The following KIAA0825 variants were observed in gnomAD, a reference collection of about 807,000 sequenced individuals.
KIAA0825 encodes uncharacterized protein KIAA0825.
KIAA0825 carries 119 observed loss-of-function variants against 147.6 expected under a neutral mutation model. The ratio of observed to expected loss-of-function variants is 0.81; its 90% confidence interval spans 0.69 to 0.94. The LOEUF is 0.94. KIAA0825 is among the 40% of genes least tolerant of loss of function. The pLI is 0.00. For synonymous variants in KIAA0825, 470 were observed against 518.1 expected, an observed-to-expected ratio of 0.91 and a Z score of 1.26; for missense variants, 1,381 against 1,472.7, an observed-to-expected ratio of 0.94 and a Z score of 1.02.
intron 20 of KIAA0825, among the ~76,000 whole-genome samples, chr5:94,188,366 T>C (rs1770352732): frequency 6.6e-6 from 1 of 152,236 alleles, no homozygotes; most frequent in Non-Finnish European, 1.5e-5. Flanking sequence ...TATTTAATTG[T>C]GAGAAAGTTC....
In KIAA0825 at chr5:94,391,013, G is replaced by C. The variant is rs147212764; in HGVS notation, c.3456+522C>G. On this transcript the variant is annotated intron_variant, in intron 18 of 20. Transcript: ENST00000682413. ...AAACATGCAAGGTCAGAGGCAATGGGATAGAAAGGCATAACATTGGTTCAA... is the reference window on the plus strand; with the variant it reads ...AAACATGCAAGGTCAGAGGCAATGGCATAGAAAGGCATAACATTGGTTCAA... Among the ~76,000 whole-genome samples the C allele has an allele frequency of 1.7e-4, 26 of 152,308 alleles. No individual in the cohort carries two copies. The East Asian group carries it at 3.7e-3, about 21-fold the overall frequency.
chr5:94,280,833 A>G lies in KIAA0825; in HGVS notation c.3710+103535T>C, dbSNP rs78410815. Among the ~76,000 whole-genome samples the G allele has an allele frequency of 5.3e-3, 810 of 152,190 alleles. 6 individuals are homozygous for G. The highest frequency in any genetic ancestry group is 0.017 in the Middle Eastern group (5 of 294). ...ACCACCAGCTGCTCCACAGGTTTGG[A>G]GTTTGGAAAAAGAAGCCCATTTCAA... On this transcript the variant is annotated intron_variant, in intron 20 of 20. Coordinates refer to ENST00000682413, the MANE Select transcript of KIAA0825 (RefSeq NM_001145678.3).
intron 3 of KIAA0825, among the ~76,000 whole-genome samples, chr5:94,525,673 T>C (rs779771460): frequency 9.3e-4 from 142 of 152,126 alleles, no homozygotes; most frequent in Non-Finnish European, 3.8e-4. Flanking sequence ...CATCCTCATG[T>C]GTCTCATTCA....
At chr5:94,413,220 G>A (rs548726205) in intron 15 of KIAA0825, 69 of 152,326 alleles carry the variant, frequency 4.5e-4, no homozygotes, top group African/African-American at 1.6e-3. Context: ...AAAGTGCTGG[G>A]ATTACAGGCG....
At chr5:94,457,328 A>G (rs1389037012) in intron 12 of KIAA0825, among the ~76,000 whole-genome samples, 3 of 152,212 alleles carry the variant, frequency 2.0e-5, no homozygotes, top group African/African-American at 7.2e-5. Context: ...GAGCCATAGG[A>G]TTATATTTTC....
At chr5:94,517,004 G>A (rs1767373253) in intron 5 of KIAA0825, among the ~76,000 whole-genome samples, 1 of 152,132 alleles carries the variant, frequency 6.6e-6, no homozygotes, top group Non-Finnish European at 1.5e-5. Flanking sequence ...GGAGGCCTGA[G>A]GCAGGAGAAT....
intron 5 of KIAA0825, among the ~76,000 whole-genome samples, chr5:94,489,294 A>T (rs1298284237): frequency 6.6e-6 from 1 of 152,192 alleles, no homozygotes; most frequent in Non-Finnish European, 1.5e-5. Flanking sequence ...AGTATGGTTC[A>T]GGATCTTCTG....
intron 2 of KIAA0825, among the ~76,000 whole-genome samples, chr5:94,552,500 T>C (rs1179020560): frequency 6.6e-6 from 1 of 152,166 alleles, no homozygotes; most frequent in Non-Finnish European, 1.5e-5. Flanking sequence ...GGACTGACCA[T>C]ATGTTAGGAC....
chr5:94,547,398 A>C (rs374234653), intron 2 of KIAA0825, among the ~76,000 whole-genome samples: 5 of 152,110 alleles, frequency 3.3e-5, no homozygotes, highest in East Asian at 3.9e-4. Flanking sequence ...AAAGAAGACT[A>C]CCTCAAGGCA....
chr5:94,449,636 A>G (rs1052856515), intron 13 of KIAA0825, among the ~76,000 whole-genome samples: 2 of 152,228 alleles, frequency 1.3e-5, no homozygotes, highest in African/African-American at 4.8e-5. Context: ...TCAAGAAATA[A>G]CAACAGCTGG....
At chr5:94,170,634 A>G (rs1768530104) in intron 20 of KIAA0825, among the ~76,000 whole-genome samples, 1 of 152,188 alleles carries the variant, frequency 6.6e-6, no homozygotes, top group Non-Finnish European at 1.5e-5. Flanking sequence ...TATAGACTGT[A>G]ACTATTCCCA....
intron 1 of KIAA0825, among the ~76,000 whole-genome samples, chr5:94,612,477 T>C (rs1034236950): frequency 2.0e-5 from 3 of 152,156 alleles, no homozygotes; most frequent in African/African-American, 7.2e-5. Context: ...TTTTAGGCTG[T>C]CAGACGTGCA....
At chr5:94,594,339 A>G in intron 1 of KIAA0825, 1 of 697,588 alleles carries the variant, frequency 1.4e-6, no homozygotes, top group Non-Finnish European at 2.7e-6. Context: ...TATTGCTGGC[A>G]TGAATGTAGC....
At chr5:94,339,500 G>A (rs537323456) in intron 20 of KIAA0825, among the ~76,000 whole-genome samples, 2 of 152,216 alleles carry the variant, frequency 1.3e-5, no homozygotes, top group Admixed American at 6.5e-5. Context: ...GAACCGTATT[G>A]AATATCTTAT....
chr5:94,553,083 A>G (rs540483212), intron 2 of KIAA0825, among the ~76,000 whole-genome samples: 118 of 152,352 alleles, frequency 7.7e-4, no homozygotes, highest in African/African-American at 2.7e-3. Flanking sequence ...TCTGATTTGA[A>G]TACTATATGT....
chr5:94,492,429 G>T (rs376302761), intron 5 of KIAA0825, among the ~76,000 whole-genome samples: 20 of 152,198 alleles, frequency 1.3e-4, no homozygotes, highest in African/African-American at 4.3e-4. Flanking sequence ...CCAGGTCAGG[G>T]TTTTGTTCTC....
intron 14 of KIAA0825, among the ~76,000 whole-genome samples, chr5:94,431,690 G>A (rs1222494094): frequency 1.3e-5 from 2 of 152,210 alleles, no homozygotes; most frequent in Non-Finnish European, 1.5e-5. Context: ...ACATTTCAAA[G>A]GCTCTGTAGC....
chr5:94,396,404 T>G lies in KIAA0825; in HGVS notation c.2993A>C (p.Glu998Ala). The G allele has an allele frequency of 1.9e-6, 3 of 1,550,216 alleles. No homozygotes were observed. The highest frequency in any genetic ancestry group is 2.6e-6 in the Non-Finnish European group (3 of 1,146,594). ...PPVKYFFFLSERKMSKKFVEL... is the reference protein window; with the variant it reads ...PPVKYFFFLSARKMSKKFVEL... ...AACAAATTTTTTTGACATTTTTCTCTCAGACAGAAAAAAGAAGTATTTAAC... is the reference window on the plus strand; with the variant it reads ...AACAAATTTTTTTGACATTTTTCTCGCAGACAGAAAAAAGAAGTATTTAAC... The change falls in exon 17 of 21, where the codon GAG (glutamate) becomes GCG (alanine). Residue 998 changes from glutamate to alanine, a missense_variant. Physicochemically the swap from Glu to Ala is moderately radical, Grantham distance 107 (BLOSUM62 -1). Transcript: ENST00000682413.
intron 14 of KIAA0825, among the ~76,000 whole-genome samples, chr5:94,439,021 T>C (rs2150832653): frequency 6.6e-6 from 1 of 152,266 alleles, no homozygotes; most frequent in South Asian, 2.1e-4. Context: ...CCAAGTTGTT[T>C]ATGGCAGGTC....
Sources: gnomAD v4.1 joint callset for allele counts (sites outside exome capture counted in the v4.1 genomes callset) on GRCh38, gnomAD v4.1.1 for gene constraint, MANE v1.5 for transcripts, NCBI Gene and HGNC (gene_info 2026-07-23, HGNC 2026-07-21) for gene names.